GNA14: variants seen among roughly 807,000 people sequenced by gnomAD.
GNA14 encodes G protein subunit alpha 14.
Under a neutral mutation model 42.0 loss-of-function variants are expected in GNA14, and 50 were observed. The observed-to-expected ratio is 1.19, with a 90% confidence interval of 0.95 to 1.51. The LOEUF (loss-of-function observed/expected upper bound fraction) is 1.51. Ranked by LOEUF, GNA14 falls within the 40% of genes most tolerant of loss-of-function variation. The pLI is 0.00. For missense variants in GNA14, 473 were observed against 446.2 expected (o/e 1.06, Z -0.54); for synonymous variants, 173 against 163.1 (o/e 1.06, Z -0.46).
At chr9:77,424,829 A>G (rs1289600530) in intron 6 of GNA14, among the ~76,000 whole-genome samples, 1 of 152,172 alleles carries the variant, frequency 6.6e-6, no homozygotes, top group African/African-American at 2.4e-5. Flanking sequence ...AACTAACATC[A>G]GGCTGATTTT....
chr9:77,569,365 C>T (rs1823025152), intron 1 of GNA14, among the ~76,000 whole-genome samples: 1 of 152,176 alleles, frequency 6.6e-6, no homozygotes, highest in African/African-American at 2.4e-5. Context: ...AACTTGGTAA[C>T]TCAAGAAGGA....
Position 77,647,723 on chromosome 9 carries a change from T to G in GNA14, c.71A>C (p.Gln24Pro), listed in dbSNP as rs141591381. The change falls in exon 1 of 7, where the codon CAG becomes CCG. Residue 24 changes from glutamine to proline, a missense_variant. Coordinates refer to ENST00000341700, the MANE Select transcript of GNA14 (RefSeq NM_004297.4). ...CGCGTCCTTCTTGTCCCGACGAAGC[T>G]GTCGCTCGATCTCCGCGCTGATGCG... Reference protein sequence around the residue: ...SQRISAEIERQLRRDKKDARR... With the variant: ...SQRISAEIERPLRRDKKDARR... 6.2e-7 allele frequency: 1 copy of G among 1,610,184 alleles called. No homozygotes were observed. The highest frequency in any genetic ancestry group is 8.5e-7 in the Non-Finnish European group (1 of 1,178,690).
At chr9:77,540,893 G>A (rs1178404798) in intron 1 of GNA14, among the ~76,000 whole-genome samples, 1 of 152,076 alleles carries the variant, frequency 6.6e-6, no homozygotes, top group African/African-American at 2.4e-5. Flanking sequence ...GTTAGATCAT[G>A]TTCCTTTATT....
chr9:77,551,687 G>A (rs1837788814), intron 1 of GNA14, among the ~76,000 whole-genome samples: 1 of 151,852 alleles, frequency 6.6e-6, no homozygotes, highest in Non-Finnish European at 1.5e-5. Flanking sequence ...TACTAGATCT[G>A]AGCAGCATCT....
intron 2 of GNA14, among the ~76,000 whole-genome samples, chr9:77,503,586 G>T (rs985120077): frequency 6.6e-6 from 1 of 151,852 alleles, no homozygotes; most frequent in Non-Finnish European, 1.5e-5. Context: ...TTCTAAAAAT[G>T]CTCAAATGCT....
intron 1 of GNA14, among the ~76,000 whole-genome samples, chr9:77,561,027 C>A (rs533630483): frequency 6.6e-4 from 100 of 152,288 alleles, no homozygotes; most frequent in African/African-American, 2.4e-3. Context: ...TGGCCATAAT[C>A]ATAATTCTCA....
intron 1 of GNA14, among the ~76,000 whole-genome samples, chr9:77,619,263 A>G (rs1361212449): frequency 6.6e-6 from 1 of 152,046 alleles, no homozygotes; most frequent in Non-Finnish European, 1.5e-5. Flanking sequence ...CTGGAGTGCA[A>G]TGGAGCAATC....
intron 2 of GNA14, among the ~76,000 whole-genome samples, chr9:77,525,116 G>A (rs991843067): frequency 2.1e-4 from 32 of 152,226 alleles, no homozygotes; most frequent in African/African-American, 6.3e-4. Context: ...CATTCTGTAC[G>A]TAGAGTTTAT....
chr9:77,548,118 G>T (rs1455556973), intron 1 of GNA14, among the ~76,000 whole-genome samples: 2 of 152,302 alleles, frequency 1.3e-5, no homozygotes, highest in East Asian at 3.9e-4. Flanking sequence ...ACCTCATACT[G>T]GCTGGCTTAA....
intron 1 of GNA14, among the ~76,000 whole-genome samples, chr9:77,595,834 T>C (rs10120776): frequency 0.73 from 111,634 of 152,034 alleles, 41,395 homozygotes; most frequent in East Asian, 0.9. Context: ...TCAAGGCAGT[T>C]AGGGATGTTT....
At chr9:77,514,645 A>G (rs1001228092) in intron 2 of GNA14, among the ~76,000 whole-genome samples, 7 of 140,616 alleles carry the variant, frequency 5.0e-5, no homozygotes, top group East Asian at 2.1e-4. Flanking sequence ...ACAGAGTCTC[A>G]CTCTGTCCCC....
At chr9:77,625,193 G>T (rs1823994626) in intron 1 of GNA14, among the ~76,000 whole-genome samples, 1 of 151,402 alleles carries the variant, frequency 6.6e-6, no homozygotes, top group South Asian at 2.1e-4. Context: ...AAAGCATGAA[G>T]ACAAAAAAAG....
intron 1 of GNA14, chr9:77,580,611 C>T: frequency 2.2e-6 from 1 of 456,932 alleles, no homozygotes; most frequent in South Asian, 2.2e-5. Flanking sequence ...TCAGGCTTGC[C>T]CTGCTCACTT....
chr9:77,613,331 TAA>T (rs1823761352), intron 1 of GNA14, among the ~76,000 whole-genome samples: 1 of 152,224 alleles, frequency 6.6e-6, no homozygotes, highest in Non-Finnish European at 1.5e-5. Flanking sequence ...ATGTAGAATC[TAA>T]AAGAGTTCAA....
At chr9:77,584,075 A>G (rs1272099124) in intron 1 of GNA14, among the ~76,000 whole-genome samples, 2 of 152,242 alleles carry the variant, frequency 1.3e-5, no homozygotes, top group East Asian at 1.9e-4. Context: ...ATACTGAGAC[A>G]AGGGCAAAAA....
Position 77,586,613 on chromosome 9 carries a change from G to A in GNA14, c.125-57360C>T, listed in dbSNP as rs144948752. Among the ~76,000 whole-genome samples the A allele has an allele frequency of 6.0e-3, 912 of 152,334 alleles. 5 individuals carry two copies. Among genetic ancestry groups the A allele is most frequent in the Admixed American group, 9.6e-3 (147 of 15,304 alleles). Reference sequence around the variant, plus strand: ...AACAGCTCTCTCTCCTGCACACAGAGGGGCGGCCAAGTGGGCCTTCTAGTC... The same window carrying A: ...AACAGCTCTCTCTCCTGCACACAGAAGGGCGGCCAAGTGGGCCTTCTAGTC... On this transcript the variant is annotated intron_variant, in intron 1 of 6. Transcript: ENST00000341700.
intron 2 of GNA14, among the ~76,000 whole-genome samples, chr9:77,472,021 A>C (rs1444350102): frequency 2.0e-5 from 3 of 152,188 alleles, no homozygotes; most frequent in Non-Finnish European, 2.9e-5. Flanking sequence ...CTACAGGCTA[A>C]TTCTCTTGGA....
At chr9:77,473,700 G>T (rs372097010) in intron 2 of GNA14, among the ~76,000 whole-genome samples, 1 of 150,946 alleles carries the variant, frequency 6.6e-6, no homozygotes, top group South Asian at 2.1e-4. Context: ...CCAAAACAAG[G>T]TTTTTTCAAA....
intron 1 of GNA14, among the ~76,000 whole-genome samples, chr9:77,537,277 C>G (rs1456759424): frequency 6.6e-6 from 1 of 151,954 alleles, no homozygotes; most frequent in Admixed American, 6.6e-5. Flanking sequence ...ATTCTATTCT[C>G]GGCTCCACAA....
Sources: gnomAD v4.1 joint callset for allele counts (sites outside exome capture counted in the v4.1 genomes callset) on GRCh38, gnomAD v4.1.1 for gene constraint, MANE v1.5 for transcripts, NCBI Gene and HGNC (gene_info 2026-07-23, HGNC 2026-07-21) for gene names.